Variants in OR4M2 observed in about 807,000 individuals in gnomAD.
OR4M2 encodes the protein olfactory receptor family 4 subfamily M member 2.
rs12593418 is a variant in OR4M2 at position 22,081,339 on chromosome 15, A to G, written c.715A>G (p.Met239Val). The G allele has an allele frequency of 2.5e-5, 7 of 277,510 alleles. 1 individual carries two copies. Among genetic ancestry groups the G allele is most frequent in the African/African-American group, 1.4e-4 (4 of 28,296 alleles). 17.2% of individuals were successfully genotyped at this position (277,510 alleles called of 1,614,324 possible). The change falls in exon 1 of 1, where the codon ATG (methionine) becomes GTG (valine). Residue 239 changes from methionine to valine, a missense_variant. Coordinates refer to ENST00000614722, the MANE Select transcript of OR4M2 (RefSeq NM_001004719.2). ...CTCAGGTGAGAATACCAACAGGGCC[A>G]TGTCCACCTGCTATTCCCACATTAC... Reference protein sequence around the residue: ...SGSGENTNRAMSTCYSHITIV... With the variant: ...SGSGENTNRAVSTCYSHITIV...
chr15:22,080,862 G>GAAAT lies in OR4M2; in HGVS notation c.239_242dup (p.Met81IlefsTer16), dbSNP rs551318895. On this transcript the variant is annotated frameshift_variant, in exon 1 of 1. Coordinates refer to ENST00000614722, the MANE Select transcript of OR4M2 (RefSeq NM_001004719.2). LOFTEE classifies it high-confidence loss of function. ...TTGGTACTCTTCCATTACAGCCCCT[G>GAAAT]AAATGCTCATAGACTTCTTTGTGGA... The GAAAT allele has an allele frequency of 0.061, 2,304 of 37,592 alleles. 1,027 individuals carry two copies. Among genetic ancestry groups the GAAAT allele is most frequent in the Non-Finnish European group, 0.067 (1,450 of 21,664 alleles). The allele number at this position is 37,592 out of a possible 1,614,324, so 2.3% of individuals were successfully genotyped here. A position where few individuals can be genotyped will look rare whatever the true frequency, so the allele number is the denominator to read the frequency against.
Position 22,081,399 on chromosome 15 carries a change from A to C in OR4M2, c.775A>C (p.Ile259Leu). The change falls in exon 1 of 1, where the codon ATT becomes CTT. Residue 259 changes from isoleucine (I) to leucine (L), a missense_variant. By Grantham distance (5) the Ile-to-Leu change is conservative (BLOSUM62 2). Coordinates refer to ENST00000614722, the MANE Select transcript of OR4M2 (RefSeq NM_001004719.2). ...GCTAATGTTTGGGCCATCCATCTAC[A>C]TTTATGCTCGCCCATTTGACTCGTT... The part of the protein sequence containing the change: ...VVLMFGPSIY[I>L]YARPFDSFSL... The C allele has an allele frequency of 7.2e-6, 1 of 139,480 alleles. No homozygotes were observed. The highest frequency in any genetic ancestry group is 6.0e-5 in the African/African-American group (1 of 16,592). 8.6% of individuals were successfully genotyped at this position (139,480 alleles called of 1,614,324 possible). A position where few individuals can be genotyped will look rare whatever the true frequency, so the allele number is the denominator to read the frequency against.
rs112370472 is a variant in OR4M2, at chr15:22,081,181, G to A, written c.557G>A (p.Arg186Gln). 1.5e-5 allele frequency: 2 copies of A among 135,090 alleles called. 1 individual carries two copies. Among genetic ancestry groups the A allele is most frequent in the Non-Finnish European group, 2.6e-5 (2 of 75,786 alleles). The allele number at this position is 135,090 out of a possible 1,614,324, so 8.4% of individuals were successfully genotyped here. ...TTCTGTGACATCACACAGGTTGTCC[G>A]GATTGCCTGTGCCAACACCTTCCCA... ...SYFCDITQVV[R>Q]IACANTFPEE... Residue 186 changes from arginine to glutamine, a missense_variant, in exon 1 of 1, where the codon CGG becomes CAG. Coordinates refer to ENST00000614722, the MANE Select transcript of OR4M2 (RefSeq NM_001004719.2).
Sources: gnomAD v4.1 joint callset for allele counts on GRCh38, gnomAD v4.1.1 for gene constraint, MANE v1.5 for transcripts, NCBI Gene and HGNC (gene_info 2026-07-23, HGNC 2026-07-21) for gene names.